The following SGCD variants were observed in gnomAD, a reference collection of about 807,000 sequenced individuals.
SGCD encodes delta-sarcoglycan.
In SGCD, 18 loss-of-function variants were observed where a neutral mutation model predicts 36.6. The observed-to-expected ratio is 0.49, with a 90% CI of 0.34 to 0.73. The LOEUF (loss-of-function observed/expected upper bound fraction) is 0.73, where lower values mean the gene tolerates loss of function less well. Ranked by LOEUF, SGCD falls within the 30% of genes least tolerant of loss-of-function variation. SGCD has a pLI of 0.01. For synonymous variants in SGCD, 133 were observed against 130.6 expected (o/e 1.02, Z -0.12); for missense variants, 387 against 346.7 (o/e 1.12, Z -0.92).
intron 7 of SGCD, among the ~76,000 whole-genome samples, chr5:156,680,280 C>T (rs932448405): frequency 3.5e-4 from 54 of 152,210 alleles, no homozygotes; most frequent in Non-Finnish European, 2.4e-4. Flanking sequence ...TCCTGACCCC[C>T]GGGACTGGGT....
chr5:155,857,736 ATTTATC>A, the SGCD span, among the ~76,000 whole-genome samples: 2 of 151,690 alleles, frequency 1.3e-5, no homozygotes, highest in Non-Finnish European at 3.0e-5. Flanking sequence ...TTAAAGTCTA[ATTTATC>A]TTTCTCTTTC....
chr5:156,326,480 G>A (rs949521827), upstream of SGCD, among the ~76,000 whole-genome samples: 1 of 152,204 alleles, frequency 6.6e-6, no homozygotes, highest in Non-Finnish European at 1.5e-5. Flanking sequence ...ATTATTTTTA[G>A]TTGCTGCAGC....
intron 4 of SGCD, among the ~76,000 whole-genome samples, chr5:156,585,762 T>G (rs1322108848): frequency 6.6e-6 from 1 of 152,224 alleles, no homozygotes; most frequent in Non-Finnish European, 1.5e-5. Flanking sequence ...TCACAGTGTA[T>G]CAGACTCCCT....
intron 2 of SGCD, among the ~76,000 whole-genome samples, chr5:156,120,194 T>C (rs926757365): frequency 8.5e-5 from 13 of 152,154 alleles, no homozygotes; most frequent in Non-Finnish European, 1.3e-4. Context: ...TAGTGGAATT[T>C]GGTGAATACT....
chr5:155,886,995 TC>T (rs1756019505), intron 1 of SGCD, among the ~76,000 whole-genome samples: 1 of 152,188 alleles, frequency 6.6e-6, no homozygotes, highest in East Asian at 1.9e-4. Context: ...ATCTGAAACC[TC>T]CTGATGACAT....
chr5:156,518,199 C>T (rs370932712), intron 4 of SGCD, among the ~76,000 whole-genome samples: 14 of 152,086 alleles, frequency 9.2e-5, no homozygotes, highest in South Asian at 6.2e-4. Context: ...TCCTAGTTTC[C>T]GACAAAACGG....
At chr5:156,630,640 C>A (rs1286531290) in intron 6 of SGCD, among the ~76,000 whole-genome samples, 2 of 152,162 alleles carry the variant, frequency 1.3e-5, no homozygotes, top group African/African-American at 4.8e-5. Context: ...TTCCCTGGTT[C>A]CTTCTATTAA....
chr5:156,606,220 G>T (rs1423232802), intron 6 of SGCD, among the ~76,000 whole-genome samples: 1 of 152,090 alleles, frequency 6.6e-6, no homozygotes, highest in African/African-American at 2.4e-5. Context: ...ATTAATTTTT[G>T]TATAAGGTCT....
At chr5:156,016,542 T>A (rs1225793318) in intron 1 of SGCD, among the ~76,000 whole-genome samples, 1 of 152,126 alleles carries the variant, frequency 6.6e-6, no homozygotes, top group Admixed American at 6.6e-5. Flanking sequence ...GATAACAAAT[T>A]TTGTTGGTTT....
At chr5:156,575,608 G>T (rs1759909990) in intron 4 of SGCD, among the ~76,000 whole-genome samples, 2 of 152,176 alleles carry the variant, frequency 1.3e-5, no homozygotes, top group African/African-American at 4.8e-5. Context: ...TCTATTGAGA[G>T]TCCACCAGAT....
At chr5:156,695,815 C>T (rs1561862224) in intron 7 of SGCD, among the ~76,000 whole-genome samples, 1 of 152,236 alleles carries the variant, frequency 6.6e-6, no homozygotes, top group Non-Finnish European at 1.5e-5. Flanking sequence ...AACAGCATAG[C>T]TGTGTTCCAA....
At chr5:155,955,433 A>G (rs540133953) in intron 1 of SGCD, among the ~76,000 whole-genome samples, 12 of 152,270 alleles carry the variant, frequency 7.9e-5, no homozygotes, top group Non-Finnish European at 1.6e-4. Context: ...CATATACAAC[A>G]CAGCATGAAA....
chr5:156,507,440 G>A (rs942513098), intron 3 of SGCD, among the ~76,000 whole-genome samples: 1 of 152,200 alleles, frequency 6.6e-6, no homozygotes, highest in Non-Finnish European at 1.5e-5. Flanking sequence ...AGCCCATTGT[G>A]TCCTGGTCAG....
intron 3 of SGCD, among the ~76,000 whole-genome samples, chr5:156,269,500 A>AAAC (rs1766107796): frequency 1.2e-5 from 1 of 85,452 alleles, no homozygotes; most frequent in African/African-American, 5.6e-5. Context: ...AAAAAAAAAA[A>AAAC]AAAAAAAAAA....
intron 3 of SGCD, among the ~76,000 whole-genome samples, chr5:156,137,951 A>G (rs1040400472): frequency 6.6e-6 from 1 of 152,212 alleles, no homozygotes; most frequent in Admixed American, 6.5e-5. Flanking sequence ...ATAAAATCAC[A>G]CATTTTAAAT....
At chr5:155,835,300 G>T in the SGCD span, among the ~76,000 whole-genome samples, 14 of 151,950 alleles carry the variant, frequency 9.2e-5, no homozygotes, top group East Asian at 9.7e-4. Flanking sequence ...GAGCCACTGC[G>T]CCCGGCCTTG....
intron 2 of SGCD, among the ~76,000 whole-genome samples, chr5:156,120,462 A>C (rs1348612268): frequency 6.6e-6 from 1 of 152,190 alleles, no homozygotes; most frequent in Non-Finnish European, 1.5e-5. Flanking sequence ...AAGATAAAGA[A>C]AAACTGCTAG....
At chr5:156,080,416 A>G (rs1027767795) in intron 1 of SGCD, among the ~76,000 whole-genome samples, 3 of 152,210 alleles carry the variant, frequency 2.0e-5, no homozygotes, top group African/African-American at 7.2e-5. Context: ...CCCTGCTTTA[A>G]TTTATGCCTT....
intron 3 of SGCD, among the ~76,000 whole-genome samples, chr5:156,139,692 CT>C (rs1235552919): frequency 2.0e-5 from 3 of 152,274 alleles, no homozygotes; most frequent in African/African-American, 7.2e-5. Flanking sequence ...CACAGGGAAA[CT>C]TTCACTCCCC....
Sources: allele counts gnomAD v4.1 joint callset (sites outside exome capture counted in the v4.1 genomes callset), GRCh38; gene constraint gnomAD v4.1.1; transcripts MANE v1.5; gene names NCBI Gene and HGNC (gene_info 2026-07-23, HGNC 2026-07-21).